Variants in PAM observed in about 807,000 individuals in gnomAD.
The protein encoded by PAM is peptidyl-glycine alpha-amidating monooxygenase.
A neutral mutation model predicts 122.1 loss-of-function variants in PAM; 72 were observed. The observed-to-expected ratio is 0.59, with a 90% CI of 0.49 to 0.72. PAM has a LOEUF of 0.72. Among genes scored for constraint, PAM ranks in the 30% least tolerant of loss-of-function variants. The pLI is 0.00. For missense variants in PAM, 1,106 were observed against 1,183.7 expected (o/e 0.93, Z 0.96); for synonymous variants, 389 against 404.4 (o/e 0.96, Z 0.46).
intron 14 of PAM, among the ~76,000 whole-genome samples, chr5:102,964,538 C>A (rs1763450546): frequency 6.6e-6 from 1 of 151,680 alleles, no homozygotes; most frequent in Non-Finnish European, 1.5e-5. Flanking sequence ...TTTAATGAGG[C>A]TTTAATTGAG....
intron 7 of PAM, among the ~76,000 whole-genome samples, chr5:102,940,109 TATAC>T (rs933900772): frequency 1.4e-5 from 2 of 143,372 alleles, no homozygotes; most frequent in African/African-American, 5.6e-5. Context: ...TTTATATATG[TATAC>T]ATACACACAC....
chr5:103,009,225 CTT>C (rs1779925474), intron 20 of PAM, among the ~76,000 whole-genome samples: 2 of 152,170 alleles, frequency 1.3e-5, no homozygotes, highest in Middle Eastern at 3.4e-3. Context: ...GAAAATATGT[CTT>C]TGATAATCTG....
At chr5:102,907,025 G>A (rs1389080763) in intron 4 of PAM, among the ~76,000 whole-genome samples, 1 of 151,626 alleles carries the variant, frequency 6.6e-6, no homozygotes, top group East Asian at 1.9e-4. Context: ...TTTTTGTGTT[G>A]TGTGTTGAAA....
At chr5:102,939,003 C>T (rs773778267) in intron 7 of PAM, among the ~76,000 whole-genome samples, 22 of 152,184 alleles carry the variant, frequency 1.4e-4, no homozygotes, top group Non-Finnish European at 1.9e-4. Flanking sequence ...TTCCATTTCC[C>T]GTTTAGTACT....
At chr5:103,002,216 T>C (rs1305606334) in intron 16 of PAM, among the ~76,000 whole-genome samples, 1 of 152,116 alleles carries the variant, frequency 6.6e-6, no homozygotes, top group African/African-American at 2.4e-5. Flanking sequence ...ATAAGTACCA[T>C]GTCTGTGATA....
chr5:102,923,488 C>T (rs1309528391), intron 5 of PAM, among the ~76,000 whole-genome samples: 7 of 152,210 alleles, frequency 4.6e-5, no homozygotes, highest in African/African-American at 1.4e-4. Context: ...TCTGCCTACA[C>T]ACCTGACTCA....
intron 21 of PAM, among the ~76,000 whole-genome samples, chr5:103,012,474 C>T (rs1378556823): frequency 6.6e-6 from 1 of 152,126 alleles, no homozygotes; most frequent in Non-Finnish European, 1.5e-5. Context: ...TATCATTCGT[C>T]TGCATGTGGA....
chr5:102,765,802 T>C (rs979712679), intron 1 of PAM, among the ~76,000 whole-genome samples: 11 of 152,172 alleles, frequency 7.2e-5, no homozygotes, highest in African/African-American at 2.7e-4. Flanking sequence ...TGTCTTCCTC[T>C]TTGTGTGTCT....
intron 8 of PAM, among the ~76,000 whole-genome samples, chr5:102,947,105 T>C (rs1005379577): frequency 6.6e-6 from 1 of 152,202 alleles, no homozygotes; most frequent in African/African-American, 2.4e-5. Flanking sequence ...GTCAGAATCT[T>C]GGCTGGGGCT....
chr5:102,768,750 C>T (rs1220845238), intron 1 of PAM, among the ~76,000 whole-genome samples: 1 of 152,150 alleles, frequency 6.6e-6, no homozygotes, highest in African/African-American at 2.4e-5. Context: ...TTGATGGATA[C>T]TTAGGTTGTT....
intron 4 of PAM, among the ~76,000 whole-genome samples, chr5:102,909,461 A>C (rs932935346): frequency 7.9e-5 from 12 of 151,902 alleles, no homozygotes; most frequent in Non-Finnish European, 1.6e-4. Context: ...CAATTTAACT[A>C]AGATGAGTTG....
intron 1 of PAM, among the ~76,000 whole-genome samples, chr5:102,777,135 A>C (rs1189056579): frequency 1.3e-5 from 2 of 152,238 alleles, no homozygotes; most frequent in East Asian, 3.9e-4. Flanking sequence ...TTTCAAAATC[A>C]CCATGTAGCA....
At chr5:102,757,258 T>C (rs1441981588) in intron 1 of PAM, among the ~76,000 whole-genome samples, 1 of 151,638 alleles carries the variant, frequency 6.6e-6, no homozygotes, top group Non-Finnish European at 1.5e-5. Flanking sequence ...ACCTGGGAGG[T>C]GGAGGTTTCA....
intron 14 of PAM, among the ~76,000 whole-genome samples, chr5:102,962,567 T>C (rs1051282772): frequency 2.6e-5 from 4 of 151,990 alleles, no homozygotes; most frequent in Non-Finnish European, 5.9e-5. Flanking sequence ...ATTTAATAGA[T>C]GCATCTTATA....
chr5:102,805,583 C>T (rs1027127016), intron 1 of PAM, among the ~76,000 whole-genome samples: 1 of 152,162 alleles, frequency 6.6e-6, no homozygotes, highest in Non-Finnish European at 1.5e-5. Flanking sequence ...TTTCTAACCT[C>T]TGGACCTCAT....
chr5:102,802,772 A>G (rs1765115306), intron 1 of PAM, among the ~76,000 whole-genome samples: 2 of 152,182 alleles, frequency 1.3e-5, no homozygotes, highest in South Asian at 4.1e-4. Context: ...GTTTATTATT[A>G]TTAATTATGA....
chr5:102,769,091 T>C (rs1051889449), intron 1 of PAM, among the ~76,000 whole-genome samples: 6 of 152,196 alleles, frequency 3.9e-5, no homozygotes, highest in African/African-American at 1.4e-4. Flanking sequence ...TGCATTTCTC[T>C]GATGATAAAT....
intron 12 of PAM, among the ~76,000 whole-genome samples, chr5:102,959,066 G>A (rs2150205590): frequency 6.6e-6 from 1 of 152,240 alleles, no homozygotes. Flanking sequence ...TAAGGAAGCA[G>A]AATACATATT....
chr5:103,023,663 G>A (rs1469944092), intron 23 of PAM, among the ~76,000 whole-genome samples: 1 of 151,994 alleles, frequency 6.6e-6, no homozygotes, highest in Non-Finnish European at 1.5e-5. Context: ...AGTCACTTGA[G>A]TGGACAAAAG....
Sources: allele counts gnomAD v4.1 joint callset (sites outside exome capture counted in the v4.1 genomes callset), GRCh38; gene constraint gnomAD v4.1.1; transcripts MANE v1.5; gene names NCBI Gene and HGNC (gene_info 2026-07-23, HGNC 2026-07-21).